Variants in SORCS3 observed in about 807,000 individuals in gnomAD.
SORCS3 encodes VPS10 domain-containing receptor SorCS3.
In SORCS3, 57 loss-of-function variants were observed where a neutral mutation model predicts 146.3. The ratio of observed to expected loss-of-function variants is 0.39; its 90% CI spans 0.31 to 0.49. SORCS3 has a LOEUF of 0.49. Ranked by LOEUF, SORCS3 falls within the 20% of genes least tolerant of loss-of-function variation. The pLI, the probability that SORCS3 is intolerant of heterozygous loss-of-function variation, is 0.92. For synonymous variants in SORCS3, 653 were observed against 618.5 expected (o/e 1.06, Z -0.83); for missense variants, 1,341 against 1,575.5 (o/e 0.85, Z 2.52).
chr10:105,257,004 C>T, intron 25 of SORCS3, 80 bp downstream of exon 25: 1 of 984,686 alleles, frequency 1.0e-6, no homozygotes, highest in Non-Finnish European at 1.6e-6. Flanking sequence ...CTTTACTAAA[C>T]TCATCGCAAG....
At chr10:104,870,282 G>T (rs1033890907) in intron 2 of SORCS3, among the ~76,000 whole-genome samples, 14 of 152,064 alleles carry the variant, frequency 9.2e-5, no homozygotes, top group Admixed American at 4.6e-4. Context: ...TAATCTTTAG[G>T]AAAGAGAAAC....
intron 5 of SORCS3, among the ~76,000 whole-genome samples, chr10:105,057,163 G>C (rs1394229355): frequency 6.6e-6 from 1 of 152,042 alleles, no homozygotes; most frequent in Non-Finnish European, 1.5e-5. Flanking sequence ...ATTGCCTAAG[G>C]GACTACATTA....
intron 2 of SORCS3, among the ~76,000 whole-genome samples, chr10:104,893,441 T>G (rs2018768474): frequency 6.6e-6 from 1 of 152,206 alleles, no homozygotes; most frequent in Non-Finnish European, 1.5e-5. Context: ...GTCTGCCTTG[T>G]CAGCTTTGGT....
At chr10:104,861,156 T>C (rs1286861671) in intron 2 of SORCS3, among the ~76,000 whole-genome samples, 1 of 152,208 alleles carries the variant, frequency 6.6e-6, no homozygotes, top group African/African-American at 2.4e-5. Context: ...TAATAACTAC[T>C]GAGGGACTTG....
chr10:104,986,450 A>G (rs577085327), intron 4 of SORCS3, among the ~76,000 whole-genome samples: 1 of 152,250 alleles, frequency 6.6e-6, no homozygotes, highest in African/African-American at 2.4e-5. Context: ...TAATTTTCTT[A>G]TCATTTGTGT....
At chr10:105,025,877 CA>C (rs2055225519) in intron 4 of SORCS3, among the ~76,000 whole-genome samples, 2 of 151,020 alleles carry the variant, frequency 1.3e-5, no homozygotes, top group East Asian at 1.9e-4. Flanking sequence ...CACACACACA[CA>C]CACCTGAAGA....
intron 5 of SORCS3, among the ~76,000 whole-genome samples, chr10:105,051,388 C>A (rs1305887718): frequency 6.6e-6 from 1 of 152,076 alleles, no homozygotes; most frequent in Admixed American, 6.6e-5. Flanking sequence ...AATACTCTTG[C>A]ACCTCTTCCC....
chr10:105,016,183 C>T (rs1424176443), intron 4 of SORCS3, among the ~76,000 whole-genome samples: 9 of 116,450 alleles, frequency 7.7e-5, no homozygotes, highest in East Asian at 4.5e-4. Flanking sequence ...GATGGAGTCT[C>T]GCTCTGTCGC....
At chr10:105,206,263 A>C (rs1482936243) in intron 16 of SORCS3, among the ~76,000 whole-genome samples, 3 of 152,260 alleles carry the variant, frequency 2.0e-5, no homozygotes, top group Admixed American at 2.0e-4. Context: ...AGTATAATTA[A>C]ATGCTGAATT....
At chr10:104,735,500 G>A (rs1174996852) in intron 1 of SORCS3, among the ~76,000 whole-genome samples, 1 of 54,408 alleles carries the variant, frequency 1.8e-5, no homozygotes, top group African/African-American at 7.6e-5. Flanking sequence ...TGTTTCTTTA[G>A]GAGAGAAAGA....
intron 1 of SORCS3, among the ~76,000 whole-genome samples, chr10:104,782,756 C>T (rs908876114): frequency 2.0e-5 from 3 of 152,152 alleles, no homozygotes; most frequent in Non-Finnish European, 4.4e-5. Flanking sequence ...ATCACATTAT[C>T]TTTCTGAGCC....
intron 3 of SORCS3, among the ~76,000 whole-genome samples, chr10:104,965,615 A>G (rs2054822132): frequency 6.6e-6 from 1 of 152,138 alleles, no homozygotes. Context: ...ATTTTTAAAC[A>G]GTAGCCATGG....
At chr10:105,176,719 G>A (rs1052669284) in intron 13 of SORCS3, among the ~76,000 whole-genome samples, 2 of 151,932 alleles carry the variant, frequency 1.3e-5, no homozygotes, top group Non-Finnish European at 2.9e-5. Context: ...GCCATGCTTG[G>A]TGACACGTGC....
At chr10:104,930,144 A>G (rs899460530) in intron 3 of SORCS3, among the ~76,000 whole-genome samples, 1 of 152,184 alleles carries the variant, frequency 6.6e-6, no homozygotes, top group Non-Finnish European at 1.5e-5. Context: ...AAAAAAATCA[A>G]CCAGAAAGAA....
intron 1 of SORCS3, among the ~76,000 whole-genome samples, chr10:104,750,148 A>T (rs1006645573): frequency 1.4e-4 from 22 of 152,164 alleles, no homozygotes; most frequent in African/African-American, 5.3e-4. Context: ...TGGGCTTGAA[A>T]ATGACCCAGG....
intron 14 of SORCS3, among the ~76,000 whole-genome samples, chr10:105,183,125 C>G (rs1404823180): frequency 1.3e-5 from 2 of 152,132 alleles, no homozygotes; most frequent in East Asian, 3.9e-4. Context: ...GTGGGTGGAA[C>G]AGTGTGAGCA....
chr10:105,034,163 A>C (rs1206108272), intron 4 of SORCS3, among the ~76,000 whole-genome samples: 1 of 152,148 alleles, frequency 6.6e-6, no homozygotes, highest in East Asian at 1.9e-4. Flanking sequence ...AGAGCAGATG[A>C]CAGTGGACCT....
intron 2 of SORCS3, among the ~76,000 whole-genome samples, chr10:104,887,114 AT>A (rs1336248059): frequency 3.9e-5 from 6 of 152,200 alleles, no homozygotes; most frequent in African/African-American, 1.4e-4. Context: ...GAGACAAAAG[AT>A]TCACATGCAG....
At chr10:105,033,962 A>C (rs1392531123) in intron 4 of SORCS3, among the ~76,000 whole-genome samples, 1 of 152,204 alleles carries the variant, frequency 6.6e-6, no homozygotes, top group Non-Finnish European at 1.5e-5. Context: ...AGGGATATTC[A>C]TGTGTTCATT....
Sources: allele counts gnomAD v4.1 joint callset (sites outside exome capture counted in the v4.1 genomes callset), GRCh38; gene constraint gnomAD v4.1.1; transcripts MANE v1.5; gene names NCBI Gene and HGNC (gene_info 2026-07-23, HGNC 2026-07-21).